The following SPTBN1 variants were observed in gnomAD, a reference collection of about 807,000 sequenced individuals.
SPTBN1 encodes the protein spectrin beta, non-erythrocytic 1.
In SPTBN1, 32 loss-of-function variants were observed where a neutral mutation model predicts 266.4. The ratio of observed to expected loss-of-function variants is 0.12; its 90% confidence interval spans 0.09 to 0.16. The LOEUF (loss-of-function observed/expected upper bound fraction) is 0.16, where lower values mean the gene tolerates loss of function less well. SPTBN1 is among the 10% of genes least tolerant of loss of function. The probability of loss-of-function intolerance (pLI) is 1.00; values close to 1 mark genes in which losing one functional copy is unlikely to be tolerated. For missense variants in SPTBN1, 2,296 were observed against 3,067.1 expected, an observed-to-expected ratio of 0.75 and a Z score of 5.94; for synonymous variants, 1,336 against 1,162.2, an observed-to-expected ratio of 1.15 and a Z score of -3.04.
rs1240829224 is a variant in SPTBN1, at chr2:54,629,223, G to A, written c.2089G>A (p.Ala697Thr). 5 of 1,613,708 alleles carry A rather than the reference G, an allele frequency of 3.1e-6. No individual in the cohort carries two copies. The Admixed American group carries it at 6.7e-5, about 22-fold the overall frequency. ...MSGRSGHFEQ[A>T]IKEGEDMIAE... ...CGGCCGCAGTGGCCACTTTGAGCAGGCCATCAAGGAAGGCGAAGACATGAT... is the reference window on the plus strand; with the variant it reads ...CGGCCGCAGTGGCCACTTTGAGCAGACCATCAAGGAAGGCGAAGACATGAT... The change falls in exon 14 of 36, where the codon GCC becomes ACC. Residue 697 changes from alanine to threonine, a missense_variant. Around this residue, in one of 12 missense-constraint regions of SPTBN1, gnomAD observed 434 missense variants for 573.9 expected, o/e 0.76. Transcript: ENST00000356805.
At chr2:54,556,903 G>A (rs1672914747) in intron 2 of SPTBN1, among the ~76,000 whole-genome samples, 1 of 152,168 alleles carries the variant, frequency 6.6e-6, no homozygotes, top group Admixed American at 6.5e-5. Context: ...GGCTTGGCCA[G>A]GACTAGCAAC....
At chr2:54,495,600 CT>C (rs1216658782) in intron 1 of SPTBN1, among the ~76,000 whole-genome samples, 3 of 151,428 alleles carry the variant, frequency 2.0e-5, no homozygotes, top group Non-Finnish European at 2.9e-5. Context: ...GTGCTAAATA[CT>C]TTTAACATTT....
At chr2:54,595,253 G>T (rs1001278902) in intron 2 of SPTBN1, among the ~76,000 whole-genome samples, 1 of 152,342 alleles carries the variant, frequency 6.6e-6, no homozygotes, top group African/African-American at 2.4e-5. Context: ...CTTGTTTGGT[G>T]CTGGGCAGTC....
Position 54,468,074 on chromosome 2 carries a change from C to G in SPTBN1, c.-48+11556C>G, listed in dbSNP as rs766197192. The stretch of plus-strand genomic sequence containing the variant: ...CTCTAATGCCAGCACTTTGGGAGGC[C>G]GAGGCGGGCAGATCATGAGGTCAGG... On this transcript the variant is annotated intron_variant, in intron 1 of 35. Transcript: ENST00000356805. 2.0e-5 allele frequency among the ~76,000 whole-genome samples: 3 copies of G among 152,084 alleles called. No homozygotes were observed. The East Asian group carries it at 5.8e-4, about 29-fold the overall frequency.
At chr2:54,641,405 A>G (rs1679546332) in intron 18 of SPTBN1, among the ~76,000 whole-genome samples, 1 of 152,186 alleles carries the variant, frequency 6.6e-6, no homozygotes, top group Non-Finnish European at 1.5e-5. Context: ...TTTTGTGTGT[A>G]TGTACAGAAT....
At chr2:54,564,778 T>C (rs1273088163) in intron 2 of SPTBN1, among the ~76,000 whole-genome samples, 1 of 152,156 alleles carries the variant, frequency 6.6e-6, no homozygotes, top group Non-Finnish European at 1.5e-5. Flanking sequence ...CTTTTAAGAT[T>C]TGAAGTTTCA....
chr2:54,640,177 T>C (rs1312080073), intron 18 of SPTBN1, among the ~76,000 whole-genome samples: 1 of 152,202 alleles, frequency 6.6e-6, no homozygotes, highest in Admixed American at 6.5e-5. Flanking sequence ...AGCCAGAATC[T>C]TTTGAGAATG....
chr2:54,522,642 AAGAAAGAGAGAG>A (rs1252777043), intron 1 of SPTBN1, among the ~76,000 whole-genome samples: 2 of 79,768 alleles, frequency 2.5e-5, no homozygotes, highest in African/African-American at 4.9e-5. Flanking sequence ...AAAAGAAAGA[AAGAAAGAGAGAG>A]AGAAAGAGAG....
chr2:54,511,121 T>G (rs1262959425), intron 1 of SPTBN1, among the ~76,000 whole-genome samples: 1 of 152,232 alleles, frequency 6.6e-6, no homozygotes, highest in Admixed American at 6.5e-5. Flanking sequence ...CTATGATAAA[T>G]GCACTGTAAA....
At chr2:54,640,219 T>G (rs1679434030) in intron 18 of SPTBN1, among the ~76,000 whole-genome samples, 1 of 152,204 alleles carries the variant, frequency 6.6e-6, no homozygotes, top group African/African-American at 2.4e-5. Context: ...CTACATTTGA[T>G]AATCTACCTG....
At chr2:54,472,456 T>C (rs189406238) in intron 1 of SPTBN1, among the ~76,000 whole-genome samples, 2 of 152,320 alleles carry the variant, frequency 1.3e-5, no homozygotes, top group Non-Finnish European at 2.9e-5. Flanking sequence ...TGTGGAATCT[T>C]GTCTTAGCTG....
chr2:54,546,644 G>T (rs1004890672), intron 2 of SPTBN1: 4 of 152,204 alleles, frequency 2.6e-5, no homozygotes, highest in African/African-American at 9.7e-5. Context: ...TGTGGGAAAT[G>T]GATAAACTCT....
intron 1 of SPTBN1, among the ~76,000 whole-genome samples, chr2:54,457,709 A>G (rs1047091691): frequency 3.3e-5 from 5 of 152,256 alleles, no homozygotes; most frequent in African/African-American, 1.2e-4. Flanking sequence ...GGCCCCACCC[A>G]GGCCCGGGGC....
At chr2:54,460,943 A>G (rs758556134) in intron 1 of SPTBN1, among the ~76,000 whole-genome samples, 1 of 152,202 alleles carries the variant, frequency 6.6e-6, no homozygotes, top group Non-Finnish European at 1.5e-5. Context: ...CAGAGGTTGC[A>G]GTGAGCCGAG....
chr2:54,556,085 T>C (rs1210566678), intron 2 of SPTBN1, among the ~76,000 whole-genome samples: 1 of 152,244 alleles, frequency 6.6e-6, no homozygotes, highest in Non-Finnish European at 1.5e-5. Context: ...CATTAAATAC[T>C]GTAAATACAG....
chr2:54,469,043 C>A (rs565194960), intron 1 of SPTBN1, among the ~76,000 whole-genome samples: 3 of 152,260 alleles, frequency 2.0e-5, no homozygotes, highest in African/African-American at 7.2e-5. Flanking sequence ...CTTTACAATT[C>A]TATCTTGGGA....
Position 54,645,787 on chromosome 2 carries a change from C to A in SPTBN1, c.4495-141C>A. 1 of 848,250 alleles carries A rather than the reference C, an allele frequency of 1.2e-6. No individual in the cohort carries two copies. The highest frequency in any genetic ancestry group is 1.8e-6 in the Non-Finnish European group (1 of 543,936). The allele number at this position is 848,250 out of a possible 1,614,324, so 52.5% of individuals were successfully genotyped here. On this transcript the variant is annotated intron_variant, in intron 21 of 35. Coordinates refer to ENST00000356805, the MANE Select transcript of SPTBN1 (RefSeq NM_003128.3). This position sits in a 1 kb window ranked among gnomAD's most constrained non-coding sequence, Gnocchi z 4.3. ...CCCTGTCTCGGAGAACAAGGGCGTG[C>A]TTCCCCAGACAGCCCTCCCGAGGGG...
At chr2:54,547,793 G>A (rs1004005280) in intron 2 of SPTBN1, among the ~76,000 whole-genome samples, 6 of 152,194 alleles carry the variant, frequency 3.9e-5, no homozygotes, top group Admixed American at 3.3e-4. Context: ...AGCTTGGCAG[G>A]TATTAGAAAA....
At chr2:54,479,757 G>A (rs546797613) in intron 1 of SPTBN1, among the ~76,000 whole-genome samples, 6 of 152,160 alleles carry the variant, frequency 3.9e-5, no homozygotes, top group Non-Finnish European at 7.4e-5. Flanking sequence ...TTCAATAGTT[G>A]TAGCTATTTA....
Sources: allele counts gnomAD v4.1 joint callset (sites outside exome capture counted in the v4.1 genomes callset), GRCh38; gene constraint gnomAD v4.1.1; regional missense constraint gnomAD v4.1.1; non-coding constraint Gnocchi (gnomAD v3.1); transcripts MANE v1.5; gene names NCBI Gene and HGNC (gene_info 2026-07-23, HGNC 2026-07-21).